The following FUBP3 variants were observed in gnomAD, a reference collection of about 807,000 sequenced individuals.
FUBP3 encodes the protein far upstream element binding protein 3.
A neutral mutation model predicts 85.6 loss-of-function variants in FUBP3; 28 were observed. The observed-to-expected ratio is 0.33, with a 90% CI of 0.24 to 0.45. The LOEUF (loss-of-function observed/expected upper bound fraction) is 0.45. Among genes scored for constraint, FUBP3 ranks in the 20% least tolerant of loss-of-function variants. The pLI is 1.00. For missense variants in FUBP3, 583 were observed against 755.1 expected, an observed-to-expected ratio of 0.77 and a Z score of 2.67; for synonymous variants, 271 against 271.4, an observed-to-expected ratio of 1.00 and a Z score of 0.01.
intron 1 of FUBP3, among the ~76,000 whole-genome samples, chr9:130,592,118 G>A (rs914598406): frequency 3.9e-5 from 6 of 152,174 alleles, no homozygotes; most frequent in Non-Finnish European, 8.8e-5. Flanking sequence ...TGGAATCCCA[G>A]CTACTCAAGA....
At chr9:130,614,680 T>G (rs1448843541) in intron 6 of FUBP3, among the ~76,000 whole-genome samples, 2 of 152,220 alleles carry the variant, frequency 1.3e-5, no homozygotes, top group African/African-American at 4.8e-5. Flanking sequence ...AGGTCTGGAT[T>G]AGTAAGCCAG....
intron 12 of FUBP3, among the ~76,000 whole-genome samples, chr9:130,627,201 T>TGA (rs201340896): frequency 0.029 from 4,420 of 152,296 alleles, 202 homozygotes; most frequent in African/African-American, 0.1. Flanking sequence ...GAAAGGCTAC[T>TGA]GAGACCAGGG....
At chr9:130,632,146 G>C (rs1830238347) in intron 15 of FUBP3, 56 bp from the exon 16 acceptor site, 1 of 1,500,986 alleles carries the variant, frequency 6.7e-7, no homozygotes. Flanking sequence ...TGAAGAGGGA[G>C]ACGACAGGGG....
chr9:130,603,623 T>G lies in FUBP3; in HGVS notation c.191-6331T>G, dbSNP rs192384058. ...TGTGACTGGTTGGTGGACAGTTGGC[T>G]TAGCCAGCTAGGTAAAATAGTATTC... On this transcript the variant is annotated intron_variant, in intron 2 of 18. Transcript: ENST00000319725. 1.6e-4 allele frequency among the ~76,000 whole-genome samples: 25 copies of G among 152,312 alleles called. No individual in the cohort carries two copies. The South Asian group carries it at 2.7e-3, about 16-fold the overall frequency.
chr9:130,614,874 A>C (rs1831923154), intron 6 of FUBP3, among the ~76,000 whole-genome samples: 1 of 152,210 alleles, frequency 6.6e-6, no homozygotes, highest in Non-Finnish European at 1.5e-5. Flanking sequence ...TCTTAAGACT[A>C]ACATTGCTTT....
At chr9:130,597,566 T>C (rs995639909) in intron 2 of FUBP3, among the ~76,000 whole-genome samples, 2 of 152,166 alleles carry the variant, frequency 1.3e-5, no homozygotes, top group Admixed American at 1.3e-4. Context: ...AACATGAACA[T>C]CACTTCCCTT....
intron 1 of FUBP3, among the ~76,000 whole-genome samples, chr9:130,585,652 A>G (rs1287423854): frequency 3.3e-5 from 5 of 152,244 alleles, no homozygotes; most frequent in Admixed American, 6.5e-5. Context: ...ATTAACTCCT[A>G]CAGGGTTTAG....
intron 8 of FUBP3, among the ~76,000 whole-genome samples, chr9:130,620,121 T>C (rs1829685028): frequency 6.6e-6 from 1 of 152,160 alleles, no homozygotes; most frequent in African/African-American, 2.4e-5. Context: ...AACTGAGGCT[T>C]TTTATAGAAG....
intron 5 of FUBP3, 106 bp downstream of exon 5, chr9:130,613,133 G>C: frequency 1.4e-6 from 1 of 699,976 alleles, no homozygotes; most frequent in Non-Finnish European, 2.5e-6. Flanking sequence ...TATGCGATTA[G>C]TGTTTTCCTT....
At chr9:130,579,871 CT>C in intron 1 of FUBP3, 107 bp downstream of exon 1, 2 of 654,960 alleles carry the variant, frequency 3.1e-6, no homozygotes, top group Admixed American at 8.8e-5. Flanking sequence ...GAACCGACGT[CT>C]CAGCCGGGCC....
chr9:130,595,589 GTA>G lies in FUBP3; in HGVS notation c.190+2_190+3del. The G allele has an allele frequency of 7.4e-7, 1 of 1,342,628 alleles. No individual in the cohort carries two copies. The highest frequency in any genetic ancestry group is 1.1e-6 in the Non-Finnish European group (1 of 932,878). 83.2% of individuals were successfully genotyped at this position (1,342,628 alleles called of 1,614,324 possible). A position where few individuals can be genotyped will look rare whatever the true frequency, so the allele number is the denominator to read the frequency against. On this transcript the variant is annotated splice_donor_variant and splice_donor_region_variant and intron_variant, in intron 2 of 18. Transcript: ENST00000319725. LOFTEE classifies it high-confidence loss of function. ...CAAAAACGGCCCTTGGATGATGGAG[GTA>G]AGTTGCCAGAAATATCTTTGCCTTT...
intron 15 of FUBP3, 83 bp from the exon 16 acceptor site, chr9:130,632,119 G>T (rs1370470833): frequency 6.9e-7 from 1 of 1,446,372 alleles, no homozygotes; most frequent in African/African-American, 1.4e-5. Context: ...CTTGGCTGGG[G>T]TGAGGGAGGT....
At chr9:130,614,217 G>A (rs1482606855) in intron 5 of FUBP3, 71 bp from the exon 6 acceptor site, 2 of 938,722 alleles carry the variant, frequency 2.1e-6, no homozygotes, top group Non-Finnish European at 3.5e-6. Flanking sequence ...GCCCTAGAGA[G>A]CCTTACAGAG....
rs1830501049 is a variant in FUBP3, at chr9:130,589,670, TGTGTGTATATATATATATATATATATA to T, written c.85-5812_85-5786del. Among the ~76,000 whole-genome samples the T allele has an allele frequency of 5.5e-5, 2 of 36,586 alleles. 1 individual carries two copies. The highest frequency in any genetic ancestry group is 5.9e-4 in the Admixed American group (2 of 3,368). 24.0% of individuals were successfully genotyped at this position (36,586 alleles called of 152,430 possible). A position where few individuals can be genotyped will look rare whatever the true frequency, so the allele number is the denominator to read the frequency against. ...GATTTATTTTAAATATGTATGTATG[TGTGTGTATATATATATATATATATATA>T]TATATATATTTTTTTTTTTTTTTTT... On this transcript the variant is annotated intron_variant, in intron 1 of 18. Coordinates refer to ENST00000319725, the MANE Select transcript of FUBP3 (RefSeq NM_003934.2).
At chr9:130,591,739 G>A (rs1016600497) in intron 1 of FUBP3, among the ~76,000 whole-genome samples, 3 of 152,192 alleles carry the variant, frequency 2.0e-5, no homozygotes, top group Non-Finnish European at 4.4e-5. Flanking sequence ...AGGTAATGAA[G>A]TGAGCATGAA....
In FUBP3 at chr9:130,620,436, G is replaced by T; in HGVS notation, c.749G>T (p.Arg250Leu). The T allele has an allele frequency of 6.3e-7, 1 of 1,593,192 alleles. No individual in the cohort carries two copies. The highest frequency in any genetic ancestry group is 8.6e-7 in the Non-Finnish European group (1 of 1,164,352). Residue 250 changes from arginine to leucine, a missense_variant, in exon 9 of 19, where the codon CGA becomes CTA. Around this residue, in one of 3 missense-constraint regions of FUBP3, gnomAD observed 404 missense variants for 516.8 expected, o/e 0.78. Transcript: ENST00000319725. ...FRGVRGDFNS[R>L]MGGGSIEVSV... ...GGTGTACGCGGCGATTTCAACTCTC[G>T]AATGGGAGGAGGCAGTATAGAGGTA...
chr9:130,631,124 C>A, intron 13 of FUBP3: 1 of 1,155,850 alleles, frequency 8.7e-7, no homozygotes, highest in Non-Finnish European at 1.1e-6. Context: ...CCCTGGCGGC[C>A]AGCCCAGCAG....
At chr9:130,615,735 C>CT (rs1246349350) in intron 6 of FUBP3, among the ~76,000 whole-genome samples, 1 of 152,352 alleles carries the variant, frequency 6.6e-6, no homozygotes, top group Non-Finnish European at 1.5e-5. Flanking sequence ...AAGCAGGTGT[C>CT]TGTGAGTGCA....
chr9:130,606,308 G>GA (rs1019840760), intron 2 of FUBP3, among the ~76,000 whole-genome samples: 15 of 151,922 alleles, frequency 9.9e-5, no homozygotes, highest in Non-Finnish European at 1.8e-4. Flanking sequence ...CAGAGGAGGG[G>GA]GGATTGTTTT....
Sources: allele counts gnomAD v4.1 joint callset (sites outside exome capture counted in the v4.1 genomes callset), GRCh38; gene constraint gnomAD v4.1.1; regional missense constraint gnomAD v4.1.1; transcripts MANE v1.5; gene names NCBI Gene and HGNC (gene_info 2026-07-23, HGNC 2026-07-21).